PLB1: variants seen among roughly 807,000 people sequenced by gnomAD.
The protein encoded by PLB1 is phospholipase B1.
A neutral mutation model predicts 227.4 loss-of-function variants in PLB1; 242 were observed. That is an observed-to-expected ratio of 1.06 (90% CI 0.96 to 1.18). The LOEUF (loss-of-function observed/expected upper bound fraction) is 1.18. Among genes scored for constraint, PLB1 ranks in the 50% most tolerant of loss-of-function variants. The pLI is 0.00. For synonymous variants in PLB1, 757 were observed against 682.2 expected (o/e 1.11, Z -1.71); for missense variants, 1,858 against 1,816.3 (o/e 1.02, Z -0.42).
At position 28,541,811 on chromosome 2, in the gene PLB1, G is replaced by A. The variant is rs145547487; in HGVS notation, c.879G>A (p.Ser293=). 2.0e-4 allele frequency: 323 copies of A among 1,606,078 alleles called. 1 individual carries two copies. Among genetic ancestry groups the A allele is most frequent in the African/African-American group, 1.3e-3 (99 of 74,854 alleles). The change falls in exon 13 of 58, where the codon TCG becomes TCA. Residue 293 remains serine (S), a splice_region_variant and synonymous_variant. Transcript: ENST00000327757. ...ATGAGACCACCCCATCTCTACACTC[G>A]GTAAGTGGGGGCTGCATGGCGTATC... ...FFYETTPSLH[S]EDPRLQDSTT... is the part of the protein sequence containing the mutation.
chr2:28,505,849 G>T (rs767904080), intron 1 of PLB1, among the ~76,000 whole-genome samples: 1 of 152,278 alleles, frequency 6.6e-6, no homozygotes, highest in Non-Finnish European at 1.5e-5. Flanking sequence ...CACACACCTA[G>T]TTGGTGGCAT....
rs1338461042 is a variant in PLB1 at position 28,514,331 on chromosome 2, G to A, written c.56-2477G>A. On this transcript the variant is annotated intron_variant, in intron 1 of 57. Transcript: ENST00000327757. ...ATTCTTTTGCCAGTCACACTGTCTT[G>A]ATCACAGTAGCTTTATCTTCAATCC... Among the ~76,000 whole-genome samples, 5 of 152,096 alleles carry A rather than the reference G, an allele frequency of 3.3e-5. No homozygotes were observed. The East Asian group carries it at 9.6e-4, about 29-fold the overall frequency.
At chr2:28,617,870 G>C (rs1558928094) in intron 45 of PLB1, 83 bp downstream of exon 45, 6 of 1,382,656 alleles carry the variant, frequency 4.3e-6, no homozygotes, top group Admixed American at 3.4e-5. Flanking sequence ...ACATACCCTG[G>C]AGCTTTAAGC....
intron 55 of PLB1, 129 bp downstream of exon 55, chr2:28,632,269 CT>C: frequency 5.5e-6 from 4 of 721,192 alleles, no homozygotes; most frequent in Admixed American, 2.8e-5. Flanking sequence ...CTGAGGGTGG[CT>C]TTTTCCACAT....
intron 17 of PLB1, among the ~76,000 whole-genome samples, chr2:28,557,483 G>A (rs1675327457): frequency 6.6e-6 from 1 of 152,196 alleles, no homozygotes; most frequent in South Asian, 2.1e-4. Flanking sequence ...AGGGCCCCAG[G>A]TGGTTTAAGT....
intron 50 of PLB1, among the ~76,000 whole-genome samples, chr2:28,626,038 C>G (rs1220838712): frequency 6.6e-6 from 1 of 151,262 alleles, no homozygotes; most frequent in African/African-American, 2.4e-5. Flanking sequence ...CTCTGTCACC[C>G]AGGCTGGAGT....
intron 17 of PLB1, among the ~76,000 whole-genome samples, chr2:28,553,755 G>A (rs1674596617): frequency 6.6e-6 from 1 of 152,222 alleles, no homozygotes; most frequent in African/African-American, 2.4e-5. Context: ...TTGTGTGTTA[G>A]AGGATTGTTG....
chr2:28,520,422 G>A (rs563999333), intron 4 of PLB1, among the ~76,000 whole-genome samples: 8 of 151,984 alleles, frequency 5.3e-5, no homozygotes, highest in Non-Finnish European at 1.2e-4. Context: ...AAAACACACC[G>A]ATCTTTGTAA....
chr2:28,533,644 C>T (rs1445739185), intron 9 of PLB1, among the ~76,000 whole-genome samples: 3 of 152,228 alleles, frequency 2.0e-5, no homozygotes, highest in Non-Finnish European at 4.4e-5. Context: ...TTCATTTTCT[C>T]ATCTTACATG....
chr2:28,582,151 T>G lies in PLB1; in HGVS notation c.1632+18T>G, dbSNP rs558169451. On this transcript the variant is annotated intron_variant, in intron 24 of 57. Coordinates refer to ENST00000327757, the MANE Select transcript of PLB1 (RefSeq NM_153021.5). ...ATGCTGAGGTACGGAGGCTAGGCCATGAGGCCTGCATCTTAGACCTCAGAC... is the reference window on the plus strand; with the variant it reads ...ATGCTGAGGTACGGAGGCTAGGCCAGGAGGCCTGCATCTTAGACCTCAGAC... 1 of 1,609,038 alleles carries G rather than the reference T, an allele frequency of 6.2e-7. No individual in the cohort carries two copies. Among genetic ancestry groups the G allele is most frequent in the African/African-American group, 1.3e-5 (1 of 74,824 alleles).
rs531343382 is a variant in PLB1 at position 28,592,567 on chromosome 2, G to A, written c.2189-94G>A. The A allele has an allele frequency of 1.0e-5, 13 of 1,260,212 alleles. No homozygotes were observed. The African/African-American group carries it at 1.8e-4, about 17-fold the overall frequency. 78.1% of individuals were successfully genotyped at this position (1,260,212 alleles called of 1,614,324 possible). ...CCTGCATGGCCCCAGTGCTCATGCA[G>A]ATTGTGTTTTGGATCTTGCTTGAAG... On this transcript the variant is annotated intron_variant, in intron 31 of 57. Coordinates refer to ENST00000327757, the MANE Select transcript of PLB1 (RefSeq NM_153021.5).
intron 32 of PLB1, 97 bp from the exon 33 acceptor site, chr2:28,593,584 T>C: frequency 1.0e-6 from 1 of 972,478 alleles, no homozygotes; most frequent in South Asian, 1.4e-5. Context: ...CCACCACGAG[T>C]GCATTGGGAA....
chr2:28,546,125 G>A (rs1673224877), intron 14 of PLB1, among the ~76,000 whole-genome samples: 1 of 152,234 alleles, frequency 6.6e-6, no homozygotes, highest in African/African-American at 2.4e-5. Context: ...TGTCCTGGCT[G>A]AGTGAGGCCT....
chr2:28,554,612 C>T (rs1273938435), intron 17 of PLB1, among the ~76,000 whole-genome samples: 1 of 150,186 alleles, frequency 6.7e-6, no homozygotes, highest in East Asian at 2.0e-4. Flanking sequence ...AACCAGCTCA[C>T]CTGGTCTAGA....
chr2:28,518,462 G>T lies in PLB1; in HGVS notation c.118-4G>T. ...ATGTTTCTGATGTTCGTTTTCAATT[G>T]CAGACCCTGAAGAATTCTCCATTCC... On this transcript the variant is annotated splice_region_variant and splice_polypyrimidine_tract_variant and intron_variant, in intron 2 of 57. Coordinates refer to ENST00000327757, the MANE Select transcript of PLB1 (RefSeq NM_153021.5). 1 of 1,609,186 alleles carries T rather than the reference G, an allele frequency of 6.2e-7. No individual in the cohort carries two copies. The highest frequency in any genetic ancestry group is 8.5e-7 in the Non-Finnish European group (1 of 1,175,608).
At chr2:28,612,860 AC>A (rs11400420) in intron 43 of PLB1, among the ~76,000 whole-genome samples, 1 of 145,120 alleles carries the variant, frequency 6.9e-6, no homozygotes, top group Non-Finnish European at 1.5e-5. Flanking sequence ...CATGTGATGA[AC>A]CCCCCCTTGG....
At position 28,630,626 on chromosome 2, in the gene PLB1, G is replaced by A. The variant is rs148737087; in HGVS notation, c.3859G>A (p.Glu1287Lys). ...TCLRHSQSSL[E>K]KQELKKVNWN... ...CCTCAGACACTCGCAAAGCTCCCTG[G>A]AGAAGCAAGAACTGAAGAAAGTGAA... Residue 1287 changes from glutamate (E) to lysine (K), a missense_variant, in exon 54 of 58, where the codon GAG becomes AAG. By Grantham distance (56) the Glu-to-Lys change is moderately conservative (BLOSUM62 1). Coordinates refer to ENST00000327757, the MANE Select transcript of PLB1 (RefSeq NM_153021.5). 14 of 1,613,600 alleles carry A rather than the reference G, an allele frequency of 8.7e-6. No homozygotes were observed. The highest frequency in any genetic ancestry group is 1.1e-5 in the Non-Finnish European group (13 of 1,179,788).
intron 23 of PLB1, among the ~76,000 whole-genome samples, chr2:28,581,296 G>C (rs529103100): frequency 6.6e-6 from 1 of 152,024 alleles, no homozygotes; most frequent in South Asian, 2.1e-4. Context: ...CATACATGTA[G>C]GGTGTGCTCA....
intron 1 of PLB1, among the ~76,000 whole-genome samples, chr2:28,506,865 C>T (rs554711772): frequency 2.0e-5 from 3 of 152,122 alleles, no homozygotes; most frequent in African/African-American, 7.2e-5. Flanking sequence ...TTTCTTCAAG[C>T]CTTAGGCCAC....
Sources: allele counts gnomAD v4.1 joint callset (sites outside exome capture counted in the v4.1 genomes callset), GRCh38; gene constraint gnomAD v4.1.1; transcripts MANE v1.5; gene names NCBI Gene and HGNC (gene_info 2026-07-23, HGNC 2026-07-21).